The following NFAM1 variants were observed in gnomAD, a reference collection of about 807,000 sequenced individuals.
The protein encoded by NFAM1 is NFAT activating protein with ITAM motif 1.
NFAM1 carries 17 observed loss-of-function variants against 29.0 expected under a neutral mutation model. The observed-to-expected ratio is 0.59, with a 90% CI of 0.40 to 0.88. NFAM1 has a LOEUF of 0.88. Among genes scored for constraint, NFAM1 ranks in the 40% least tolerant of loss-of-function variants. The pLI is 0.00. For synonymous variants in NFAM1, 175 were observed against 147.2 expected (o/e 1.19, Z -1.36); for missense variants, 324 against 344.6 (o/e 0.94, Z 0.47).
At position 42,387,720 on chromosome 22, in the gene NFAM1, C is replaced by T. The variant is rs547937059; in HGVS notation, c.664-642G>A. On this transcript the variant is annotated intron_variant, in intron 4 of 5. Coordinates refer to ENST00000329021, the MANE Select transcript of NFAM1 (RefSeq NM_145912.8). ...CTCATCCCCCTTGCCTGTCACTTTC[C>T]TTTCATTCCCCTCAGCCACCCCTCC... Among the ~76,000 whole-genome samples the T allele has an allele frequency of 1.5e-4, 23 of 152,222 alleles. 1 individual carries two copies. In the South Asian group the frequency reaches 4.4e-3, roughly 29 times the overall value.
intron 4 of NFAM1, among the ~76,000 whole-genome samples, chr22:42,394,621 G>A (rs1185434645): frequency 1.3e-5 from 2 of 152,180 alleles, no homozygotes; most frequent in Non-Finnish European, 2.9e-5. Flanking sequence ...TCAAAGGGAA[G>A]TTCATACTGT....
chr22:42,432,580 C>A (rs965951896), upstream of NFAM1, among the ~76,000 whole-genome samples: 18 of 152,150 alleles, frequency 1.2e-4, no homozygotes, highest in African/African-American at 4.1e-4. Context: ...GAGACGGGAC[C>A]CAAGCCTCCC....
In NFAM1 at chr22:42,409,306, CG is replaced by C. The variant is rs148000156; in HGVS notation, c.564+128del. On this transcript the variant is annotated intron_variant, in intron 3 of 5. Transcript: ENST00000329021. The surrounding 1 kb of genome is among the most constrained non-coding windows in gnomAD (Gnocchi z 4.9). ...CCCCCAGCCCTGGTGCAAGGGGCCA[CG>C]AGGGCCACCTGTTACAGATGTGGAT... 5,154 of 486,726 alleles carry C rather than the reference CG, an allele frequency of 0.011. 238 individuals carry two copies. The highest frequency in any genetic ancestry group is 0.095 in the African/African-American group (4,777 of 50,546). 30.2% of individuals were successfully genotyped at this position (486,726 alleles called of 1,614,324 possible).
intron 3 of NFAM1, among the ~76,000 whole-genome samples, chr22:42,402,831 C>CTTCTTT (rs1555970270): frequency 1.0e-3 from 101 of 97,116 alleles, no homozygotes; most frequent in African/African-American, 4.6e-3. Context: ...TCTGTGCCTT[C>CTTCTTT]TTTTTTTTTT....
Position 42,411,790 on chromosome 22 carries a change from C to T in NFAM1, c.122-54G>A, listed in dbSNP as rs1930103942. On this transcript the variant is annotated intron_variant, in intron 1 of 5. Transcript: ENST00000329021. ...CAGGTCACTTGAGGCTGCCTCAGTCCCACCCACTTGCCTGTTAAGGCTCAC... is the reference window on the plus strand; with the variant it reads ...CAGGTCACTTGAGGCTGCCTCAGTCTCACCCACTTGCCTGTTAAGGCTCAC... 3 of 1,281,960 alleles carry T rather than the reference C, an allele frequency of 2.3e-6. No homozygotes were observed. The Admixed American group carries it at 5.5e-5, about 24-fold the overall frequency. 79.4% of individuals were successfully genotyped at this position (1,281,960 alleles called of 1,614,324 possible).
intron 3 of NFAM1, among the ~76,000 whole-genome samples, chr22:42,406,178 C>T (rs879855349): frequency 1.2e-4 from 16 of 133,112 alleles, no homozygotes; most frequent in Non-Finnish European, 2.0e-4. Flanking sequence ...CCCCGGCTCG[C>T]GCCTCACCCC....
rs746420845 is a variant in NFAM1, at chr22:42,387,096, C to A, written c.664-18G>T. 2.7e-6 allele frequency: 4 copies of A among 1,501,832 alleles called. No individual in the cohort carries two copies. 93.0% of individuals were successfully genotyped at this position (1,501,832 alleles called of 1,614,324 possible). The stretch of plus-strand genomic sequence containing the variant: ...TGCAGAGCCTACAGGAAACGGGGTG[C>A]CAGGATCAGGGGCAAGTGTGTAGAG... On this transcript the variant is annotated intron_variant, in intron 4 of 5. Coordinates refer to ENST00000329021, the MANE Select transcript of NFAM1 (RefSeq NM_145912.8).
chr22:42,397,792 T>G, intron 4 of NFAM1, 66 bp downstream of exon 4: 1 of 900,044 alleles, frequency 1.1e-6, no homozygotes, highest in South Asian at 1.3e-5. Context: ...AGACAGACCC[T>G]GGTACAAGAC....
At chr22:42,407,328 T>C (rs945150696) in intron 3 of NFAM1, among the ~76,000 whole-genome samples, 17 of 151,934 alleles carry the variant, frequency 1.1e-4, no homozygotes, top group African/African-American at 3.9e-4. Flanking sequence ...GTGATCCGCC[T>C]GTCTCGGCCT....
At chr22:42,412,632 T>C (rs1281766738) in intron 1 of NFAM1, among the ~76,000 whole-genome samples, 3 of 152,044 alleles carry the variant, frequency 2.0e-5, no homozygotes, top group Non-Finnish European at 4.4e-5. Flanking sequence ...GAAAACAAAA[T>C]AAAGAAACCC....
At chr22:42,428,810 G>A (rs1930707830) in intron 1 of NFAM1, among the ~76,000 whole-genome samples, 1 of 152,186 alleles carries the variant, frequency 6.6e-6, no homozygotes, top group African/African-American at 2.4e-5. Context: ...GTGCAGAGAG[G>A]TTAAGTAATT....
At chr22:42,432,647 G>A (rs549481443), upstream of NFAM1, among the ~76,000 whole-genome samples, 37 of 152,268 alleles carry the variant, frequency 2.4e-4, no homozygotes, top group African/African-American at 7.5e-4. Flanking sequence ...CAGGGGCCCC[G>A]TCCAGGAGAC....
chr22:42,419,087 G>A lies in NFAM1; in HGVS notation c.122-7351C>T, dbSNP rs895342698. 2.0e-5 allele frequency among the ~76,000 whole-genome samples: 3 copies of A among 152,176 alleles called. No individual in the cohort carries two copies. The highest frequency in any genetic ancestry group is 7.2e-5 in the African/African-American group (3 of 41,440). On this transcript the variant is annotated intron_variant, in intron 1 of 5. Transcript: ENST00000329021. The surrounding 1 kb of genome is among the most constrained non-coding windows in gnomAD (Gnocchi z 4.5). Reference sequence around the variant, plus strand: ...GTTGCTATCCTCCCACACCTGGCGCGGGGACCACATGCCGAGTGAGTCCCT... The same window carrying A: ...GTTGCTATCCTCCCACACCTGGCGCAGGGACCACATGCCGAGTGAGTCCCT...
At chr22:42,432,476 C>T (rs1208497055), upstream of NFAM1, 14 of 1,404,108 alleles carry the variant, frequency 1.0e-5, no homozygotes, top group East Asian at 3.1e-4. Flanking sequence ...ACCTTCCGCT[C>T]AGAAGCAAAG....
chr22:42,417,061 G>A (rs1174748618), intron 1 of NFAM1, among the ~76,000 whole-genome samples: 3 of 152,134 alleles, frequency 2.0e-5, no homozygotes, highest in African/African-American at 4.8e-5. Flanking sequence ...AGCCTCCCCC[G>A]CACCTGACAA....
chr22:42,411,651 A>G lies in NFAM1; in HGVS notation c.207T>C (p.Tyr69=). The change falls in exon 2 of 6, where the codon TAT becomes TAC. Residue 69 remains tyrosine, a synonymous_variant. Transcript: ENST00000329021. The part of the protein sequence containing the change: ...TAISFSCRIT[Y]PYTPQFKVFT... The stretch of plus-strand genomic sequence containing the variant: ...AAACCTTGAATTGGGGAGTGTATGG[A>G]TAGGTGATCCTGCAGCTGAAGGAGA... 1 of 1,614,058 alleles carries G rather than the reference A, an allele frequency of 6.2e-7. No homozygotes were observed. The highest frequency in any genetic ancestry group is 1.1e-5 in the South Asian group (1 of 91,084).
chr22:42,389,514 GA>G (rs578001176), intron 4 of NFAM1, among the ~76,000 whole-genome samples: 95 of 151,956 alleles, frequency 6.3e-4, no homozygotes, highest in African/African-American at 2.3e-3. Context: ...TTGAGCTCCT[GA>G]ACCATCCCCT....
chr22:42,417,011 G>A (rs919754883), intron 1 of NFAM1, among the ~76,000 whole-genome samples: 3 of 152,170 alleles, frequency 2.0e-5, no homozygotes, highest in Middle Eastern at 3.4e-3. Flanking sequence ...GGGCCCCAAC[G>A]GACTCCACGC....
chr22:42,428,681 G>A (rs1307168604), intron 1 of NFAM1, among the ~76,000 whole-genome samples: 9 of 152,312 alleles, frequency 5.9e-5, no homozygotes, highest in South Asian at 4.1e-4. Context: ...GCTTGTTCAC[G>A]TCTGGGTCCC....
Sources: allele counts gnomAD v4.1 joint callset (sites outside exome capture counted in the v4.1 genomes callset), GRCh38; gene constraint gnomAD v4.1.1; non-coding constraint Gnocchi (gnomAD v3.1); transcripts MANE v1.5; gene names NCBI Gene and HGNC (gene_info 2026-07-23, HGNC 2026-07-21).